Variants in SETBP1 observed in about 807,000 individuals in gnomAD.
The protein encoded by SETBP1 is SET-binding protein.
In SETBP1, 9 loss-of-function variants were observed where a neutral mutation model predicts 101.0. That is an observed-to-expected ratio of 0.09 (90% CI 0.05 to 0.16). The LOEUF (loss-of-function observed/expected upper bound fraction) is 0.16. SETBP1 is among the 10% of genes least tolerant of loss of function. The probability of loss-of-function intolerance (pLI) is 1.00; values close to 1 mark genes in which losing one functional copy is unlikely to be tolerated. For synonymous variants in SETBP1, 818 were observed against 788.5 expected (o/e 1.04, Z -0.63); for missense variants, 1,858 against 2,033.8 (o/e 0.91, Z 1.66).
intron 2 of SETBP1, among the ~76,000 whole-genome samples, chr18:44,828,803 T>C (rs530693376): frequency 1.8e-4 from 27 of 152,232 alleles, no homozygotes; most frequent in Non-Finnish European, 4.0e-4. Flanking sequence ...GATTAGTGCA[T>C]TTATTAGAAG....
At chr18:44,836,131 T>TA (rs398120412) in intron 2 of SETBP1, among the ~76,000 whole-genome samples, 2 of 151,886 alleles carry the variant, frequency 1.3e-5, no homozygotes, top group Middle Eastern at 3.4e-3. Context: ...TTTTTTTTTT[T>TA]ATTGTAAATG....
At chr18:44,804,636 T>C (rs2071688722) in intron 2 of SETBP1, among the ~76,000 whole-genome samples, 1 of 152,130 alleles carries the variant, frequency 6.6e-6, no homozygotes, top group Non-Finnish European at 1.5e-5. Context: ...TCATGGTCTA[T>C]GAGAGAACAT....
chr18:45,011,100 G>A (rs941651390), intron 4 of SETBP1, among the ~76,000 whole-genome samples: 2 of 152,178 alleles, frequency 1.3e-5, no homozygotes, highest in African/African-American at 4.8e-5. Context: ...TCTACAATCT[G>A]TTAAGGGTAA....
chr18:44,915,780 C>T (rs1342720039), intron 3 of SETBP1, among the ~76,000 whole-genome samples: 1 of 152,198 alleles, frequency 6.6e-6, no homozygotes, highest in Non-Finnish European at 1.5e-5. Flanking sequence ...TTCCACTTCT[C>T]TAATCTTATT....
At chr18:44,714,393 G>A (rs909347140) in intron 2 of SETBP1, among the ~76,000 whole-genome samples, 1 of 152,052 alleles carries the variant, frequency 6.6e-6, no homozygotes, top group Non-Finnish European at 1.5e-5. Flanking sequence ...GTAGAGATGG[G>A]GTTTTGCCAC....
At chr18:44,749,252 T>C (rs1480651243) in intron 2 of SETBP1, among the ~76,000 whole-genome samples, 2 of 152,218 alleles carry the variant, frequency 1.3e-5, no homozygotes, top group Non-Finnish European at 2.9e-5. Flanking sequence ...GAGTTAATAA[T>C]TGGACCCATT....
At chr18:44,830,507 T>C (rs1475908704) in intron 2 of SETBP1, among the ~76,000 whole-genome samples, 1 of 152,166 alleles carries the variant, frequency 6.6e-6, no homozygotes, top group African/African-American at 2.4e-5. Flanking sequence ...GGAAGATGTG[T>C]AGGGGAGATG....
chr18:44,843,454 C>T (rs1445976572), intron 2 of SETBP1, among the ~76,000 whole-genome samples: 1 of 152,228 alleles, frequency 6.6e-6, no homozygotes, highest in East Asian at 1.9e-4. Context: ...CTTGTGTGAA[C>T]GTGCAGCCTC....
intron 4 of SETBP1, among the ~76,000 whole-genome samples, chr18:44,971,267 G>C (rs1326914854): frequency 6.6e-6 from 1 of 152,128 alleles, no homozygotes; most frequent in Admixed American, 6.5e-5. Context: ...TCTTAATCCA[G>C]TCTATCATTG....
In SETBP1 at chr18:44,786,948, C is replaced by T. The variant is rs137898585; in HGVS notation, c.487-82282C>T. 1.5e-3 allele frequency among the ~76,000 whole-genome samples: 231 copies of T among 152,320 alleles called. 5 individuals carry two copies. The East Asian group carries it at 0.04, about 27-fold the overall frequency. ...GTAGCTTTCAGTTTCTGATCTTTCT[C>T]TCAAATTTGCTGTCTATTTGAAGAG... On this transcript the variant is annotated intron_variant, in intron 2 of 5. Transcript: ENST00000649279.
At chr18:44,687,770 C>A (rs2144113031) in intron 1 of SETBP1, among the ~76,000 whole-genome samples, 1 of 152,042 alleles carries the variant, frequency 6.6e-6, no homozygotes, top group South Asian at 2.1e-4. Flanking sequence ...ATACTTCACT[C>A]ATGTCATGGA....
At position 44,952,323 on chromosome 18, in the gene SETBP1, C is replaced by G. The variant is rs752746061; in HGVS notation, c.2983C>G (p.Pro995Ala). 1.9e-6 allele frequency: 3 copies of G among 1,614,116 alleles called. No individual in the cohort carries two copies. The South Asian group carries it at 3.3e-5, about 18-fold the overall frequency. Reference sequence around the variant, plus strand: ...TCGGATTAATTTTGATCACTATTACCCGGTGCCATATATCCAGTATGACCC... The same window carrying G: ...TCGGATTAATTTTGATCACTATTACGCGGTGCCATATATCCAGTATGACCC... ...IFRINFDHYY[P>A]VPYIQYDPLL... The change falls in exon 4 of 6, where the codon CCG becomes GCG. Residue 995 changes from proline to alanine, a missense_variant. Coordinates refer to ENST00000649279, the MANE Select transcript of SETBP1 (RefSeq NM_015559.3).
intron 4 of SETBP1, among the ~76,000 whole-genome samples, chr18:44,964,810 C>G (rs916628607): frequency 6.6e-6 from 1 of 152,184 alleles, no homozygotes; most frequent in East Asian, 1.9e-4. Context: ...CACACCCTGT[C>G]CTTTGCCTCC....
rs968773747 is a variant in SETBP1, at chr18:45,067,904, G to A, written c.*4206G>A. 4.6e-5 allele frequency: 7 copies of A among 152,080 alleles called. No individual in the cohort carries two copies. Among genetic ancestry groups the A allele is most frequent in the African/African-American group, 1.4e-4 (6 of 41,410 alleles). The allele number at this position is 152,080 out of a possible 1,614,324, so 9.4% of individuals were successfully genotyped here. On this transcript the variant is annotated 3_prime_UTR_variant, in exon 6 of 6. Coordinates refer to ENST00000649279, the MANE Select transcript of SETBP1 (RefSeq NM_015559.3). ...TGAAAGGAGCTGCCAACTGGTCAACGTGGAAGGGCGGTTCCACCCTAGATT... is the reference window on the plus strand; with the variant it reads ...TGAAAGGAGCTGCCAACTGGTCAACATGGAAGGGCGGTTCCACCCTAGATT...
chr18:44,993,361 A>G (rs2072421460), intron 4 of SETBP1, among the ~76,000 whole-genome samples: 1 of 152,060 alleles, frequency 6.6e-6, no homozygotes. Context: ...AAGTAAAAAT[A>G]AAACTCTGAT....
In SETBP1 at chr18:44,886,316, G is replaced by A. The variant is rs935742471; in HGVS notation, c.540+17033G>A. ...TCCAGTAGAGATGAGACCTCCAGAG[G>A]CTATGAGAAGTACAAATGAAGGATT... On this transcript the variant is annotated intron_variant, in intron 3 of 5. Coordinates refer to ENST00000649279, the MANE Select transcript of SETBP1 (RefSeq NM_015559.3). Among the ~76,000 whole-genome samples the A allele has an allele frequency of 5.3e-5, 8 of 152,160 alleles. No homozygotes were observed. In the South Asian group the frequency reaches 1.7e-3, roughly 32 times the overall value.
Position 44,950,014 on chromosome 18 carries a change from A to T in SETBP1, c.674A>T (p.Asn225Ile). 6.2e-7 allele frequency: 1 copy of T among 1,614,034 alleles called. No homozygotes were observed. The highest frequency in any genetic ancestry group is 1.3e-5 in the African/African-American group (1 of 75,026). The change falls in exon 4 of 6, where the codon AAC (asparagine) becomes ATC (isoleucine). Residue 225 changes from asparagine (N) to isoleucine (I), a missense_variant. Around this residue, in one of 12 missense-constraint regions of SETBP1, gnomAD observed 581 missense variants for 535.1 expected, o/e 1.09. Transcript: ENST00000649279. Reference sequence around the variant, plus strand: ...CAGAACCACATGGACTGGTCCACCAACTCTGACAGCGGACCCGTCACTCAG... The same window carrying T: ...CAGAACCACATGGACTGGTCCACCATCTCTGACAGCGGACCCGTCACTCAG... ...SSQNHMDWST[N>I]SDSGPVTQNC...
intron 2 of SETBP1, among the ~76,000 whole-genome samples, chr18:44,727,751 G>A (rs892692939): frequency 6.6e-6 from 1 of 152,182 alleles, no homozygotes; most frequent in Non-Finnish European, 1.5e-5. Flanking sequence ...TTGGTGCTTT[G>A]TGGGTGGCCT....
chr18:44,960,169 T>C (rs2071581238), intron 4 of SETBP1, among the ~76,000 whole-genome samples: 1 of 152,012 alleles, frequency 6.6e-6, no homozygotes, highest in South Asian at 2.1e-4. Context: ...AATGCTGGCA[T>C]TACAGGCATG....
Sources: allele counts gnomAD v4.1 joint callset (sites outside exome capture counted in the v4.1 genomes callset), GRCh38; gene constraint gnomAD v4.1.1; regional missense constraint gnomAD v4.1.1; transcripts MANE v1.5; gene names NCBI Gene and HGNC (gene_info 2026-07-23, HGNC 2026-07-21).